CNN3: variants seen among roughly 807,000 people sequenced by gnomAD.
The protein encoded by CNN3 is calponin-3.
A neutral mutation model predicts 39.0 loss-of-function variants in CNN3; 11 were observed. The ratio of observed to expected loss-of-function variants is 0.28; its 90% CI spans 0.18 to 0.47. The LOEUF (loss-of-function observed/expected upper bound fraction) is 0.47. Among genes scored for constraint, CNN3 ranks in the 20% least tolerant of loss-of-function variants. The pLI is 0.99. For synonymous variants in CNN3, 101 were observed against 138.3 expected (o/e 0.73, Z 1.89); for missense variants, 266 against 403.4 (o/e 0.66, Z 2.92).
rs115009377 is a variant in CNN3 at position 94,907,532 on chromosome 1, T to C, written c.58-4008A>G. Among the ~76,000 whole-genome samples the C allele has an allele frequency of 5.8e-3, 886 of 152,322 alleles. 9 individuals are homozygous for C. Among genetic ancestry groups the C allele is most frequent in the African/African-American group, 0.021 (860 of 41,584 alleles). ...TAATTGCTTAAACTTACCTCATTAA[T>C]ACTTCATGGAAATTTCACTCTAATT... On this transcript the variant is annotated intron_variant, in intron 1 of 6. Transcript: ENST00000370206.
intron 1 of CNN3, among the ~76,000 whole-genome samples, chr1:94,912,433 G>A (rs1035538683): frequency 5.3e-5 from 8 of 152,334 alleles, no homozygotes; most frequent in African/African-American, 1.9e-4. Context: ...CAGAGGGCAA[G>A]GATCTATTAC....
rs558261648 is a variant in CNN3, at chr1:94,908,601, C to T, written c.58-5077G>A. On this transcript the variant is annotated intron_variant, in intron 1 of 6. Coordinates refer to ENST00000370206, the MANE Select transcript of CNN3 (RefSeq NM_001839.5). ...TGTCACCCAAGCTGGAGTGCCATAG[C>T]GTGATCTTGGCCCACTGCAACCTCC... 4.6e-5 allele frequency among the ~76,000 whole-genome samples: 7 copies of T among 152,280 alleles called. No homozygotes were observed. In the East Asian group the frequency reaches 7.7e-4, roughly 17 times the overall value.
chr1:94,909,370 C>T (rs1671099393), intron 1 of CNN3, among the ~76,000 whole-genome samples: 1 of 152,160 alleles, frequency 6.6e-6, no homozygotes, highest in Non-Finnish European at 1.5e-5. Context: ...TAGGAGGTAA[C>T]TAGGAACAAT....
intron 1 of CNN3, among the ~76,000 whole-genome samples, chr1:94,904,096 C>T (rs1670938894): frequency 6.6e-6 from 1 of 152,150 alleles, no homozygotes; most frequent in Non-Finnish European, 1.5e-5. Flanking sequence ...TTTATGTAGT[C>T]TCTATCCTAT....
At chr1:94,907,004 G>A (rs551010174) in intron 1 of CNN3, among the ~76,000 whole-genome samples, 1 of 152,330 alleles carries the variant, frequency 6.6e-6, no homozygotes, top group South Asian at 2.1e-4. Context: ...TGTCAAGGAA[G>A]TGATGAGATA....
chr1:94,899,596 C>T, intron 5 of CNN3, 79 bp from the exon 6 acceptor site: 2 of 1,465,146 alleles, frequency 1.4e-6, no homozygotes, highest in Non-Finnish European at 1.8e-6. Flanking sequence ...TTCCATGCTA[C>T]CAAAAAGACA....
chr1:94,925,913 A>C, intron 1 of CNN3: 1 of 707,652 alleles, frequency 1.4e-6, no homozygotes. Context: ...CTTGGAATGC[A>C]GGGAGGGAGG....
intron 1 of CNN3, among the ~76,000 whole-genome samples, chr1:94,908,906 A>T (rs1671086193): frequency 6.7e-6 from 1 of 149,440 alleles, no homozygotes; most frequent in Admixed American, 6.7e-5. Context: ...CAACTTTGGG[A>T]GGCTGAGGCA....
chr1:94,916,633 C>T (rs1433318398), intron 1 of CNN3, among the ~76,000 whole-genome samples: 2 of 152,160 alleles, frequency 1.3e-5, no homozygotes, highest in East Asian at 1.9e-4. Context: ...AGTACCCTCT[C>T]GTCTTGAAAG....
intron 5 of CNN3, among the ~76,000 whole-genome samples, chr1:94,901,004 G>A (rs1289169077): frequency 6.6e-6 from 1 of 152,154 alleles, no homozygotes; most frequent in Non-Finnish European, 1.5e-5. Flanking sequence ...AGGACTGCTT[G>A]AGCTCCAGAG....
intron 1 of CNN3, among the ~76,000 whole-genome samples, chr1:94,906,619 C>T (rs1011772770): frequency 6.6e-6 from 1 of 152,212 alleles, no homozygotes; most frequent in Non-Finnish European, 1.5e-5. Flanking sequence ...GTTAGTTCCT[C>T]TAACTTCTCT....
At position 94,906,522 on chromosome 1, in the gene CNN3, A is replaced by G. The variant is rs558397543; in HGVS notation, c.58-2998T>C. ...TCAACTAGGAGATATATTTTGATCA[A>G]TCTGAAGAAAAACATAATATGCTAG... is the stretch of plus-strand genomic sequence containing the variant. On this transcript the variant is annotated intron_variant, in intron 1 of 6. Coordinates refer to ENST00000370206, the MANE Select transcript of CNN3 (RefSeq NM_001839.5). Among the ~76,000 whole-genome samples, 228 of 152,304 alleles carry G rather than the reference A, an allele frequency of 1.5e-3. 3 individuals are homozygous for G. The highest frequency in any genetic ancestry group is 5.4e-3 in the African/African-American group (223 of 41,562).
At chr1:94,900,030 TC>T (rs1670821249) in intron 5 of CNN3, among the ~76,000 whole-genome samples, 1 of 152,176 alleles carries the variant, frequency 6.6e-6, no homozygotes, top group Non-Finnish European at 1.5e-5. Context: ...TTCCTGTAAC[TC>T]CCATGTCCTT....
At chr1:94,909,905 AT>A (rs1671115404) in intron 1 of CNN3, among the ~76,000 whole-genome samples, 1 of 152,206 alleles carries the variant, frequency 6.6e-6, no homozygotes, top group South Asian at 2.1e-4. Context: ...AGGTAGAGTG[AT>A]GACATTCATG....
chr1:94,897,664 A>C lies in CNN3; in HGVS notation c.*78T>G. On this transcript the variant is annotated 3_prime_UTR_variant, in exon 7 of 7. Transcript: ENST00000370206. ...CTTAATAGTGTTTTAGGAAGACAAGATAAAAATTACTCAAGGCTAGCTTGG... is the reference window on the plus strand; with the variant it reads ...CTTAATAGTGTTTTAGGAAGACAAGCTAAAAATTACTCAAGGCTAGCTTGG... 7.6e-7 allele frequency: 1 copy of C among 1,319,384 alleles called. No individual in the cohort carries two copies. The highest frequency in any genetic ancestry group is 1.1e-6 in the Non-Finnish European group (1 of 945,650). 81.7% of individuals were successfully genotyped at this position (1,319,384 alleles called of 1,614,324 possible).
At chr1:94,909,920 A>G (rs961241818) in intron 1 of CNN3, among the ~76,000 whole-genome samples, 3 of 152,200 alleles carry the variant, frequency 2.0e-5, no homozygotes, top group African/African-American at 7.2e-5. Context: ...ATTCATGTAC[A>G]AGAACTGTCT....
intron 1 of CNN3, 108 bp from the exon 2 acceptor site, chr1:94,903,632 T>C (rs1271637097): frequency 6.3e-6 from 9 of 1,434,074 alleles, no homozygotes; most frequent in Admixed American, 5.7e-5. Context: ...AGCTGTGAAG[T>C]GTAGTAAATG....
chr1:94,903,018 TAAA>T (rs372027375), intron 3 of CNN3, 101 bp downstream of exon 3: 58 of 622,552 alleles, frequency 9.3e-5, no homozygotes, highest in South Asian at 1.2e-4. Context: ...ATCAAAAAGT[TAAA>T]AAAAAAAAAA....
At chr1:94,913,876 G>A (rs920592704) in intron 1 of CNN3, among the ~76,000 whole-genome samples, 1 of 152,210 alleles carries the variant, frequency 6.6e-6, no homozygotes, top group African/African-American at 2.4e-5. Flanking sequence ...GAGTGCCAAT[G>A]AAGCACAGGC....
Sources: allele counts gnomAD v4.1 joint callset (sites outside exome capture counted in the v4.1 genomes callset), GRCh38; gene constraint gnomAD v4.1.1; transcripts MANE v1.5; gene names NCBI Gene and HGNC (gene_info 2026-07-23, HGNC 2026-07-21).